Variants in LRRC28 observed in about 807,000 individuals in gnomAD.
LRRC28 encodes leucine rich repeat containing 28, also known as leucine-rich repeat-containing protein 28.
LRRC28 carries 39 observed loss-of-function variants against 45.7 expected under a neutral mutation model. The observed-to-expected ratio is 0.85, with a 90% CI of 0.66 to 1.12. The LOEUF (loss-of-function observed/expected upper bound fraction) is 1.12. Ranked by LOEUF, LRRC28 falls within the 50% of genes most tolerant of loss-of-function variation. LRRC28 has a pLI of 0.00. For missense variants in LRRC28, 435 were observed against 438.5 expected (o/e 0.99, Z 0.07); for synonymous variants, 206 against 178.8 (o/e 1.15, Z -1.22).
Position 99,387,920 on chromosome 15 carries a change from G to A in LRRC28, c.*1818G>A, listed in dbSNP as rs970187505. Reference sequence around the variant, plus strand: ...TCTTTTTACAGTCACAACACCTGCTGCCCGGAAAGCACACCGTCCACGTAG... The same window carrying A: ...TCTTTTTACAGTCACAACACCTGCTACCCGGAAAGCACACCGTCCACGTAG... On this transcript the variant is annotated 3_prime_UTR_variant, in exon 10 of 10. Transcript: ENST00000301981. 1 of 152,154 alleles carries A rather than the reference G, an allele frequency of 6.6e-6. No individual in the cohort carries two copies. Among genetic ancestry groups the A allele is most frequent in the Non-Finnish European group, 1.5e-5 (1 of 68,046 alleles). 9.4% of individuals were successfully genotyped at this position (152,154 alleles called of 1,614,324 possible).
rs544701782 is a variant in LRRC28, at chr15:99,333,410, T to C, written c.386-513T>C. Among the ~76,000 whole-genome samples the C allele has an allele frequency of 3.2e-4, 48 of 152,366 alleles. 1 individual carries two copies. In the South Asian group the frequency reaches 9.9e-3, roughly 32 times the overall value. On this transcript the variant is annotated intron_variant, in intron 5 of 9. Coordinates refer to ENST00000301981, the MANE Select transcript of LRRC28 (RefSeq NM_144598.5). ...TATCTCATTTTATTGTTACAATCTTTACCATGGTGAAAATTTCCAAAAGAC... is the reference window on the plus strand; with the variant it reads ...TATCTCATTTTATTGTTACAATCTTCACCATGGTGAAAATTTCCAAAAGAC...
chr15:99,280,733 G>C (rs1242308188), intron 3 of LRRC28, among the ~76,000 whole-genome samples: 1 of 151,994 alleles, frequency 6.6e-6, no homozygotes, highest in Non-Finnish European at 1.5e-5. Flanking sequence ...GTTTCTTGGG[G>C]TTGTGTCTTA....
Position 99,257,958 on chromosome 15 carries a change from TTAAGA to T in LRRC28, c.168+1838_168+1842del, listed in dbSNP as rs1175821065. 46 of 791,746 alleles carry T rather than the reference TTAAGA, an allele frequency of 5.8e-5. 1 individual carries two copies. The highest frequency in any genetic ancestry group is 1.0e-4 in the Non-Finnish European group (44 of 435,190). 49.0% of individuals were successfully genotyped at this position (791,746 alleles called of 1,614,324 possible). The stretch of plus-strand genomic sequence containing the variant: ...TAGAGAACTGATTCTGACGCTTTAG[TTAAGA>T]TAAGGCTGATATCACTGACTAATGA... On this transcript the variant is annotated intron_variant, in intron 2 of 9. Coordinates refer to ENST00000301981, the MANE Select transcript of LRRC28 (RefSeq NM_144598.5).
At chr15:99,345,427 G>T (rs1956648371) in intron 6 of LRRC28, among the ~76,000 whole-genome samples, 1 of 152,150 alleles carries the variant, frequency 6.6e-6, no homozygotes, top group South Asian at 2.1e-4. Context: ...TATAGGACTT[G>T]TTGAGCACCT....
rs1195255211 is a variant in LRRC28 at position 99,382,061 on chromosome 15, C to CATAT, written c.1032-3968_1032-3967insTATA. 5.9e-5 allele frequency among the ~76,000 whole-genome samples: 9 copies of CATAT among 152,376 alleles called. No homozygotes were observed. The South Asian group carries it at 1.2e-3, about 21-fold the overall frequency. The stretch of plus-strand genomic sequence containing the variant: ...GATCCACTACTCACTTCAAAGCTGT[C>CATAT]AGACAGGGACATTTAAGTCTGCAGA... On this transcript the variant is annotated intron_variant, in intron 9 of 9. Transcript: ENST00000301981.
chr15:99,385,427 G>A (rs12050640), intron 9 of LRRC28, among the ~76,000 whole-genome samples: 24,618 of 152,186 alleles, frequency 0.16, 2,292 homozygotes, highest in East Asian at 0.31. Flanking sequence ...TCTAATAGCT[G>A]GAGCTGTCCA....
intron 5 of LRRC28, chr15:99,331,980 C>T (rs770622524): frequency 2.6e-5 from 4 of 152,226 alleles, no homozygotes; most frequent in South Asian, 2.1e-4. Context: ...ATATGCTTCT[C>T]AATGGCAGAG....
intron 5 of LRRC28, among the ~76,000 whole-genome samples, chr15:99,292,721 A>G (rs908565372): frequency 1.3e-5 from 2 of 152,190 alleles, no homozygotes; most frequent in Admixed American, 1.3e-4. Flanking sequence ...ATGTCCACAT[A>G]TAGCTTTCAA....
At chr15:99,275,858 C>T (rs945563768) in intron 2 of LRRC28, among the ~76,000 whole-genome samples, 4 of 152,162 alleles carry the variant, frequency 2.6e-5, no homozygotes, top group African/African-American at 7.2e-5. Flanking sequence ...GCAGGGGTCC[C>T]CAATCCCTGG....
intron 2 of LRRC28, among the ~76,000 whole-genome samples, chr15:99,275,717 G>A (rs955437220): frequency 1.3e-5 from 2 of 152,154 alleles, no homozygotes; most frequent in African/African-American, 2.4e-5. Context: ...GGGAGTGGCC[G>A]GCAACCTTCG....
intron 6 of LRRC28, among the ~76,000 whole-genome samples, chr15:99,351,989 T>A (rs1165344314): frequency 6.6e-6 from 1 of 152,192 alleles, no homozygotes; most frequent in African/African-American, 2.4e-5. Context: ...AATAGAATTC[T>A]TGCTGAAGAC....
At chr15:99,295,757 A>G (rs1328437504) in intron 5 of LRRC28, among the ~76,000 whole-genome samples, 2 of 152,224 alleles carry the variant, frequency 1.3e-5, no homozygotes, top group African/African-American at 2.4e-5. Context: ...AGTTAATAGC[A>G]TGAATCTGTT....
intron 9 of LRRC28, among the ~76,000 whole-genome samples, chr15:99,366,288 C>T (rs1251709775): frequency 6.6e-6 from 1 of 152,174 alleles, no homozygotes; most frequent in Non-Finnish European, 1.5e-5. Flanking sequence ...TTCGTCTCTT[C>T]ACATCATTTT....
chr15:99,374,942 C>T (rs1424485940), intron 9 of LRRC28, among the ~76,000 whole-genome samples: 4 of 152,072 alleles, frequency 2.6e-5, no homozygotes, highest in Non-Finnish European at 4.4e-5. Flanking sequence ...GCTGGGATTA[C>T]AGGCATGAGC....
chr15:99,335,148 A>C (rs1444020442), intron 6 of LRRC28, among the ~76,000 whole-genome samples: 1 of 152,174 alleles, frequency 6.6e-6, no homozygotes, highest in Non-Finnish European at 1.5e-5. Flanking sequence ...AGTGAGAAAA[A>C]TATCAAATAT....
At chr15:99,356,056 T>A (rs145817064) in intron 7 of LRRC28, among the ~76,000 whole-genome samples, 315 of 152,362 alleles carry the variant, frequency 2.1e-3, no homozygotes, top group African/African-American at 7.1e-3. Flanking sequence ...AGACTGAGTT[T>A]GCAGTTTGAC....
rs865874034 is a variant in LRRC28, at chr15:99,386,168, C to G, written c.*66C>G. On this transcript the variant is annotated 3_prime_UTR_variant, in exon 10 of 10. Transcript: ENST00000301981. ...TGGGGAATCCAGCCAGTCCAGCACACTCTTCCATCCTGTCCTGTCCAATGC... is the reference window on the plus strand; with the variant it reads ...TGGGGAATCCAGCCAGTCCAGCACAGTCTTCCATCCTGTCCTGTCCAATGC... 1.6e-6 allele frequency: 2 copies of G among 1,240,866 alleles called. No homozygotes were observed. The highest frequency in any genetic ancestry group is 3.0e-5 in the African/African-American group (2 of 67,546). 76.9% of individuals were successfully genotyped at this position (1,240,866 alleles called of 1,614,324 possible). A position where few individuals can be genotyped will look rare whatever the true frequency, so the allele number is the denominator to read the frequency against.
At chr15:99,347,483 A>G (rs1956730050) in intron 6 of LRRC28, among the ~76,000 whole-genome samples, 1 of 152,236 alleles carries the variant, frequency 6.6e-6, no homozygotes, top group Non-Finnish European at 1.5e-5. Context: ...CTGGGATTAC[A>G]GGCATGGAGC....
chr15:99,341,183 C>T (rs975410036), intron 6 of LRRC28, among the ~76,000 whole-genome samples: 2 of 149,834 alleles, frequency 1.3e-5, no homozygotes, highest in Non-Finnish European at 3.0e-5. Flanking sequence ...CTCCACCTCC[C>T]GGGTTCAAGT....
Sources: allele counts gnomAD v4.1 joint callset (sites outside exome capture counted in the v4.1 genomes callset), GRCh38; gene constraint gnomAD v4.1.1; transcripts MANE v1.5; gene names NCBI Gene and HGNC (gene_info 2026-07-23, HGNC 2026-07-21).